Variants in ROBO2 observed in about 807,000 individuals in gnomAD.
ROBO2 encodes roundabout guidance receptor 2, also known as roundabout homolog 2.
A neutral mutation model predicts 160.8 loss-of-function variants in ROBO2; 53 were observed. The ratio of observed to expected loss-of-function variants is 0.33; its 90% CI spans 0.26 to 0.41. The LOEUF is 0.41. ROBO2 is among the 10% of genes least tolerant of loss of function. The pLI is 1.00. For missense variants in ROBO2, 1,577 were observed against 1,722.4 expected (o/e 0.92, Z 1.49); for synonymous variants, 664 against 611.7 (o/e 1.09, Z -1.26).
intron 2 of ROBO2, among the ~76,000 whole-genome samples, chr3:77,126,712 ATTTTTT>A (rs1278481390): frequency 7.8e-6 from 1 of 127,612 alleles, no homozygotes; most frequent in African/African-American, 3.7e-5. Flanking sequence ...ATATATATAT[ATTTTTT>A]TTCCTTTGAA....
chr3:76,781,517 C>A (rs2062643998), intron 2 of ROBO2, among the ~76,000 whole-genome samples: 1 of 150,542 alleles, frequency 6.6e-6, no homozygotes, highest in Non-Finnish European at 1.5e-5. Flanking sequence ...AGCATTTTGA[C>A]TTTTATTATG....
intron 2 of ROBO2, among the ~76,000 whole-genome samples, chr3:77,305,064 G>A (rs1456948371): frequency 6.6e-6 from 1 of 152,132 alleles, no homozygotes; most frequent in African/African-American, 2.4e-5. Context: ...TGCTCAATAA[G>A]GACTCTATTT....
At chr3:77,244,264 G>C (rs2089429899) in intron 2 of ROBO2, among the ~76,000 whole-genome samples, 1 of 152,132 alleles carries the variant, frequency 6.6e-6, no homozygotes, top group Non-Finnish European at 1.5e-5. Flanking sequence ...ATAAACAAAT[G>C]AATTAAGTGC....
intron 1 of ROBO2, among the ~76,000 whole-genome samples, chr3:75,914,547 G>A (rs1946728420): frequency 6.6e-6 from 1 of 152,018 alleles, no homozygotes; most frequent in Admixed American, 6.6e-5. Flanking sequence ...AATTTTTCTG[G>A]AGATCAAGCT....
intron 2 of ROBO2, among the ~76,000 whole-genome samples, chr3:76,256,037 G>GC (rs1446007174): frequency 6.6e-6 from 1 of 151,738 alleles, no homozygotes; most frequent in Non-Finnish European, 1.5e-5. Context: ...AGTGGTTCAC[G>GC]CCTGTAACCC....
At chr3:76,053,095 T>C (rs1193290572) in intron 2 of ROBO2, among the ~76,000 whole-genome samples, 1 of 152,044 alleles carries the variant, frequency 6.6e-6, no homozygotes, top group Non-Finnish European at 1.5e-5. Context: ...CCAGTGGTCA[T>C]GTTGGCCAGA....
chr3:76,393,551 G>C (rs946945298), intron 2 of ROBO2, among the ~76,000 whole-genome samples: 1 of 152,088 alleles, frequency 6.6e-6, no homozygotes, highest in Non-Finnish European at 1.5e-5. Flanking sequence ...ATGAGTTCTT[G>C]CGTTTATTAG....
At chr3:76,629,531 G>A (rs1049949596) in intron 2 of ROBO2, among the ~76,000 whole-genome samples, 3 of 152,186 alleles carry the variant, frequency 2.0e-5, no homozygotes, top group African/African-American at 4.8e-5. Flanking sequence ...GACTAAACCC[G>A]TCTAGTCTTT....
At chr3:76,485,382 A>G (rs900190573) in intron 2 of ROBO2, among the ~76,000 whole-genome samples, 5 of 152,060 alleles carry the variant, frequency 3.3e-5, no homozygotes, top group African/African-American at 1.2e-4. Flanking sequence ...ATCTGACAGG[A>G]GGCAGAGCTC....
chr3:76,906,804 T>C (rs557361687), intron 2 of ROBO2, among the ~76,000 whole-genome samples: 115 of 152,280 alleles, frequency 7.6e-4, no homozygotes, highest in Non-Finnish European at 1.2e-3. Context: ...CAATATGTTA[T>C]AGATTTTAGT....
chr3:77,622,439 G>A lies in ROBO2; in HGVS notation c.3760+7G>A, dbSNP rs1174466645. ...CTAGACAGCTCTGTGACAGGTAACGGAACCAATTTAATAGGAAAAACTGAC... is the reference window on the plus strand; with the variant it reads ...CTAGACAGCTCTGTGACAGGTAACGAAACCAATTTAATAGGAAAAACTGAC... On this transcript the variant is annotated splice_region_variant and intron_variant, in intron 23 of 25. Coordinates refer to ENST00000461745, the Ensembl canonical transcript of ROBO2. 3 of 1,613,742 alleles carry A rather than the reference G, an allele frequency of 1.9e-6. No individual in the cohort carries two copies. Among genetic ancestry groups the A allele is most frequent in the Admixed American group, 3.3e-5 (2 of 59,974 alleles).
intron 2 of ROBO2, among the ~76,000 whole-genome samples, chr3:77,175,173 A>G (rs771616735): frequency 1.3e-5 from 2 of 152,056 alleles, no homozygotes; most frequent in Non-Finnish European, 2.9e-5. Flanking sequence ...CTATATATTT[A>G]GTAGTAATTG....
intron 2 of ROBO2, among the ~76,000 whole-genome samples, chr3:76,164,987 T>G (rs992940848): frequency 6.6e-6 from 1 of 152,122 alleles, no homozygotes; most frequent in South Asian, 2.1e-4. Context: ...CTGCATAGTC[T>G]CCTTAGAAAC....
At chr3:77,499,683 C>G (rs1329644086) in intron 5 of ROBO2, among the ~76,000 whole-genome samples, 1 of 140,746 alleles carries the variant, frequency 7.1e-6, no homozygotes, top group East Asian at 2.1e-4. Context: ...GAGTCTTACT[C>G]TGTCACCCAT....
At chr3:76,602,842 C>A (rs12632349) in intron 2 of ROBO2, among the ~76,000 whole-genome samples, 15,353 of 151,972 alleles carry the variant, frequency 0.1, 991 homozygotes, top group East Asian at 0.26. Context: ...TGGGTGGGGA[C>A]ACAGCCAAAC....
At chr3:76,216,783 T>C (rs990788380) in intron 2 of ROBO2, among the ~76,000 whole-genome samples, 91 of 152,190 alleles carry the variant, frequency 6.0e-4, no homozygotes, top group African/African-American at 2.1e-3. Context: ...TATCCAGGAA[T>C]TGAACTCAGC....
intron 2 of ROBO2, among the ~76,000 whole-genome samples, chr3:77,176,757 A>ATCACTGGT (rs1371521977): frequency 4.6e-5 from 7 of 152,012 alleles, no homozygotes; most frequent in Non-Finnish European, 7.4e-5. Context: ...TTAAAACTGT[A>ATCACTGGT]TCACTGGTTT....
chr3:76,007,171 TTGCTA>T (rs1219411850), intron 2 of ROBO2, among the ~76,000 whole-genome samples: 1 of 152,120 alleles, frequency 6.6e-6, no homozygotes, highest in African/African-American at 2.4e-5. Flanking sequence ...CAGTTATATA[TTGCTA>T]TAAGTTGTAT....
chr3:76,703,429 A>T (rs1435240250), intron 2 of ROBO2, among the ~76,000 whole-genome samples: 1 of 152,142 alleles, frequency 6.6e-6, no homozygotes, highest in African/African-American at 2.4e-5. Context: ...GGTTTGTTAC[A>T]TAAGTATACA....
Sources: allele counts gnomAD v4.1 joint callset (sites outside exome capture counted in the v4.1 genomes callset), GRCh38; gene constraint gnomAD v4.1.1; transcripts MANE v1.5; gene names NCBI Gene and HGNC (gene_info 2026-07-23, HGNC 2026-07-21).